PDGFC: variants seen among roughly 807,000 people sequenced by gnomAD.
PDGFC encodes the protein platelet-derived growth factor C.
In PDGFC, 12 loss-of-function variants were observed where a neutral mutation model predicts 35.5. The ratio of observed to expected loss-of-function variants is 0.34; its 90% CI spans 0.22 to 0.55. The LOEUF is 0.55. PDGFC is among the 20% of genes least tolerant of loss of function. PDGFC has a pLI of 0.91. For missense variants in PDGFC, 322 were observed against 412.4 expected (o/e 0.78, Z 1.90); for synonymous variants, 159 against 148.8 (o/e 1.07, Z -0.50).
intron 1 of PDGFC, among the ~76,000 whole-genome samples, chr4:156,869,451 C>T (rs1047151833): frequency 6.6e-6 from 1 of 151,864 alleles, no homozygotes; most frequent in Non-Finnish European, 1.5e-5. Context: ...AAAAAATGAT[C>T]CTAGCATATG....
At chr4:156,842,290 T>C (rs1336875196) in intron 2 of PDGFC, 1 of 152,012 alleles carries the variant, frequency 6.6e-6, no homozygotes, top group Non-Finnish European at 1.5e-5. Context: ...CAGGCAACCC[T>C]ATTCCCATTC....
intron 3 of PDGFC, among the ~76,000 whole-genome samples, chr4:156,789,956 G>A (rs1731245943): frequency 8.3e-6 from 1 of 120,048 alleles, no homozygotes; most frequent in South Asian, 3.1e-4. Context: ...CAGCCTGGAT[G>A]ACAGAGTGAG....
intron 1 of PDGFC, among the ~76,000 whole-genome samples, chr4:156,954,924 C>A (rs1341266824): frequency 1.3e-5 from 2 of 152,032 alleles, no homozygotes; most frequent in Non-Finnish European, 2.9e-5. Flanking sequence ...CTTAAAAGAT[C>A]TGCCATCCAG....
At chr4:156,794,401 T>C (rs1391127208) in intron 3 of PDGFC, among the ~76,000 whole-genome samples, 3 of 151,822 alleles carry the variant, frequency 2.0e-5, no homozygotes, top group Non-Finnish European at 2.9e-5. Context: ...AGTAGGGAAA[T>C]CTGGACAAAA....
intron 2 of PDGFC, among the ~76,000 whole-genome samples, chr4:156,826,923 T>C (rs548196448): frequency 6.6e-6 from 1 of 152,326 alleles, no homozygotes; most frequent in South Asian, 2.1e-4. Flanking sequence ...ATAAAAATAT[T>C]GTTCCTTTTA....
At chr4:156,797,467 TG>T (rs1731477220) in intron 3 of PDGFC, among the ~76,000 whole-genome samples, 1 of 152,108 alleles carries the variant, frequency 6.6e-6, no homozygotes, top group Non-Finnish European at 1.5e-5. Context: ...CAGAAACAGC[TG>T]GATTGGTCAC....
chr4:156,824,849 GT>G (rs1732398478), intron 2 of PDGFC, among the ~76,000 whole-genome samples: 1 of 152,082 alleles, frequency 6.6e-6, no homozygotes, highest in South Asian at 2.1e-4. Flanking sequence ...CTTGTAATTA[GT>G]TTTATAAAAA....
At chr4:156,802,575 C>G (rs1731644140) in intron 3 of PDGFC, among the ~76,000 whole-genome samples, 1 of 150,312 alleles carries the variant, frequency 6.7e-6, no homozygotes, top group South Asian at 2.1e-4. Context: ...CACACACACA[C>G]ACACACACAT....
chr4:156,783,178 T>A (rs542837190), intron 3 of PDGFC, among the ~76,000 whole-genome samples: 1 of 152,188 alleles, frequency 6.6e-6, no homozygotes, highest in African/African-American at 2.4e-5. Flanking sequence ...AGATGAAGAC[T>A]GTGACAAAGC....
chr4:156,847,406 T>C (rs1301840199), intron 2 of PDGFC, among the ~76,000 whole-genome samples: 5 of 151,628 alleles, frequency 3.3e-5, no homozygotes, highest in Non-Finnish European at 7.4e-5. Context: ...CAATCTAAAC[T>C]GGGGGGACAT....
intron 1 of PDGFC, among the ~76,000 whole-genome samples, chr4:156,857,847 G>T (rs1729619034): frequency 6.6e-6 from 1 of 151,996 alleles, no homozygotes; most frequent in Non-Finnish European, 1.5e-5. Context: ...CATCATAATG[G>T]ATTCTAGCCT....
At chr4:156,887,197 A>G (rs886990892) in intron 1 of PDGFC, among the ~76,000 whole-genome samples, 40 of 152,214 alleles carry the variant, frequency 2.6e-4, no homozygotes, top group Non-Finnish European at 8.8e-5. Context: ...ATATCATAGC[A>G]TCACAGCTTA....
intron 1 of PDGFC, among the ~76,000 whole-genome samples, chr4:156,897,972 T>C (rs1237655348): frequency 2.6e-5 from 4 of 152,128 alleles, no homozygotes; most frequent in Admixed American, 6.5e-5. Flanking sequence ...GTATTTTGCA[T>C]GTAAGAAGAT....
chr4:156,805,757 TG>T (rs1731739335), intron 3 of PDGFC, among the ~76,000 whole-genome samples: 1 of 151,984 alleles, frequency 6.6e-6, no homozygotes, highest in Non-Finnish European at 1.5e-5. Context: ...TCAGAAGGGA[TG>T]AAAAAAAATA....
chr4:156,833,200 T>G (rs1372658125), intron 2 of PDGFC, among the ~76,000 whole-genome samples: 1 of 152,242 alleles, frequency 6.6e-6, no homozygotes, highest in Non-Finnish European at 1.5e-5. Context: ...GCATTTAATT[T>G]AATAAGATTT....
chr4:156,960,087 T>C (rs1732306070), intron 1 of PDGFC, among the ~76,000 whole-genome samples: 1 of 151,784 alleles, frequency 6.6e-6, no homozygotes, highest in Non-Finnish European at 1.5e-5. Context: ...TTAGTATTTA[T>C]CAATTAGGTA....
rs1230744016 is a variant in PDGFC, at chr4:156,971,555, C to T, written c.-652G>A. On this transcript the variant is annotated 5_prime_UTR_variant, in exon 1 of 6. Transcript: ENST00000502773. ...CAGGCGGAGAGAGGCCGCGGGGCTC[C>T]CGCTCCTCAGCCCGGAGCGCAGTTG... Among the ~76,000 whole-genome samples the T allele has an allele frequency of 6.6e-6, 1 of 150,984 alleles. No individual in the cohort carries two copies. Among genetic ancestry groups the T allele is most frequent in the Non-Finnish European group, 1.5e-5 (1 of 67,650 alleles).
At chr4:156,809,467 G>A (rs1442394949) in intron 3 of PDGFC, among the ~76,000 whole-genome samples, 1 of 152,058 alleles carries the variant, frequency 6.6e-6, no homozygotes, top group Non-Finnish European at 1.5e-5. Flanking sequence ...CACATATACA[G>A]TGAATCCTGT....
At chr4:156,835,924 T>C (rs530686242) in intron 2 of PDGFC, 2 of 152,352 alleles carry the variant, frequency 1.3e-5, no homozygotes, top group African/African-American at 2.4e-5. Context: ...CCTTGATGCA[T>C]GAAGAACAAT....
Sources: allele counts gnomAD v4.1 joint callset (sites outside exome capture counted in the v4.1 genomes callset), GRCh38; gene constraint gnomAD v4.1.1; transcripts MANE v1.5; gene names NCBI Gene and HGNC (gene_info 2026-07-23, HGNC 2026-07-21).